The following TFDP2 variants were observed in gnomAD, a reference collection of about 807,000 sequenced individuals.
The protein encoded by TFDP2 is transcription factor Dp-2 (E2F dimerization partner 2).
In TFDP2, 17 loss-of-function variants were observed where a neutral mutation model predicts 59.3. The ratio of observed to expected loss-of-function variants is 0.29; its 90% CI spans 0.20 to 0.43. The LOEUF (loss-of-function observed/expected upper bound fraction) is 0.43. TFDP2 is among the 20% of genes least tolerant of loss of function. TFDP2 has a pLI of 1.00. For missense variants in TFDP2, 391 were observed against 528.8 expected (o/e 0.74, Z 2.56); for synonymous variants, 180 against 194.7 (o/e 0.92, Z 0.63).
intron 9 of TFDP2, among the ~76,000 whole-genome samples, chr3:141,968,427 T>TACATATAAC (rs1938603145): frequency 1.4e-5 from 1 of 74,016 alleles, no homozygotes; most frequent in African/African-American, 5.1e-5. Context: ...ATATATCTCA[T>TACATATAAC]ATATAGATAT....
At position 141,949,680 on chromosome 3, in the gene TFDP2, GA is replaced by G; in HGVS notation, c.*2832del. 1 of 152,476 alleles carries G rather than the reference GA, an allele frequency of 6.6e-6. No individual in the cohort carries two copies. Among genetic ancestry groups the G allele is most frequent in the Non-Finnish European group, 1.5e-5 (1 of 68,186 alleles). 9.4% of individuals were successfully genotyped at this position (152,476 alleles called of 1,614,324 possible). ...AGGGGGACAGCCACACCCTCAAGGGGAAAAGGCCTCTTGAACTCCCCACAAT... is the reference window on the plus strand; with the variant it reads ...AGGGGGACAGCCACACCCTCAAGGGGAAAGGCCTCTTGAACTCCCCACAAT... On this transcript the variant is annotated 3_prime_UTR_variant, in exon 13 of 13. Transcript: ENST00000489671.
At chr3:142,122,318 G>A (rs571205927) in intron 1 of TFDP2, among the ~76,000 whole-genome samples, 20 of 152,168 alleles carry the variant, frequency 1.3e-4, no homozygotes, top group African/African-American at 4.6e-4. Flanking sequence ...CACCAGAGAC[G>A]GGGTCCTCAC....
At chr3:141,969,456 C>T (rs555478398) in intron 9 of TFDP2, among the ~76,000 whole-genome samples, 8 of 150,688 alleles carry the variant, frequency 5.3e-5, no homozygotes, top group African/African-American at 1.2e-4. Context: ...ACTAAAAATA[C>T]GAAAAAACTA....
chr3:141,966,845 ATGAG>A (rs1257922098), intron 9 of TFDP2, among the ~76,000 whole-genome samples: 1 of 150,642 alleles, frequency 6.6e-6, no homozygotes, highest in Non-Finnish European at 1.5e-5. Context: ...GTCATGTGAC[ATGAG>A]TGAGTTGTGA....
chr3:141,954,624 CAAAAAAAACA>C (rs1259295126), intron 11 of TFDP2, among the ~76,000 whole-genome samples: 3 of 58,984 alleles, frequency 5.1e-5, no homozygotes, highest in East Asian at 1.2e-3. Context: ...GTGACTGTCT[CAAAAAAAACA>C]AAAAAAAACA....
At chr3:142,069,735 G>A (rs1424692798) in intron 3 of TFDP2, among the ~76,000 whole-genome samples, 1 of 151,714 alleles carries the variant, frequency 6.6e-6, no homozygotes, top group African/African-American at 2.4e-5. Context: ...AGCCTCCTGA[G>A]TAGCTGGGAT....
intron 3 of TFDP2, among the ~76,000 whole-genome samples, chr3:142,055,129 T>C (rs551399605): frequency 6.6e-6 from 1 of 152,202 alleles, no homozygotes; most frequent in Non-Finnish European, 1.5e-5. Flanking sequence ...CTCCTATCAC[T>C]GGGAATGGGA....
intron 3 of TFDP2, among the ~76,000 whole-genome samples, chr3:142,035,120 C>G (rs1329873108): frequency 1.3e-5 from 2 of 152,154 alleles, no homozygotes; most frequent in Non-Finnish European, 2.9e-5. Context: ...CCACAGCCAT[C>G]TCTTTTGCTG....
intron 10 of TFDP2, among the ~76,000 whole-genome samples, chr3:141,960,861 T>C (rs1029315636): frequency 6.6e-6 from 1 of 151,842 alleles, no homozygotes; most frequent in Non-Finnish European, 1.5e-5. Context: ...TGGCTAATTA[T>C]GGGGAAAGAC....
chr3:142,134,050 AAAG>A (rs544145913), intron 1 of TFDP2, among the ~76,000 whole-genome samples: 9 of 150,470 alleles, frequency 6.0e-5, no homozygotes, highest in East Asian at 1.9e-4. Context: ...AGAAAAAAAA[AAAG>A]AAGAAGAAGA....
intron 3 of TFDP2, among the ~76,000 whole-genome samples, chr3:142,030,710 A>G (rs1230748622): frequency 6.6e-6 from 1 of 150,572 alleles, no homozygotes; most frequent in Admixed American, 6.6e-5. Context: ...GAAATTAAAC[A>G]TCCAAGTACT....
At chr3:142,005,933 T>C (rs1475642248) in intron 3 of TFDP2, among the ~76,000 whole-genome samples, 6 of 152,158 alleles carry the variant, frequency 3.9e-5, no homozygotes, top group Non-Finnish European at 8.8e-5. Flanking sequence ...ACAAATAATA[T>C]ACTTGATGAT....
intron 4 of TFDP2, among the ~76,000 whole-genome samples, chr3:142,000,538 C>G (rs11706480): frequency 6.6e-6 from 1 of 151,952 alleles, no homozygotes; most frequent in African/African-American, 2.4e-5. Context: ...ACCACAGCAT[C>G]CAGTTCCTGG....
intron 9 of TFDP2, among the ~76,000 whole-genome samples, chr3:141,968,276 A>T (rs1938466169): frequency 1.5e-5 from 2 of 134,252 alleles, no homozygotes; most frequent in East Asian, 2.0e-4. Flanking sequence ...AATTATATAT[A>T]ATATATAACA....
At chr3:142,144,651 C>T (rs955567901) in intron 1 of TFDP2, among the ~76,000 whole-genome samples, 2 of 152,134 alleles carry the variant, frequency 1.3e-5, no homozygotes, top group Non-Finnish European at 2.9e-5. Context: ...AAGAGATCCT[C>T]CCACCTCAGC....
chr3:142,019,699 A>G (rs1164339796), intron 3 of TFDP2, among the ~76,000 whole-genome samples: 1 of 151,510 alleles, frequency 6.6e-6, no homozygotes, highest in Admixed American at 6.6e-5. Context: ...TTAAATTATA[A>G]ATCCTTGACC....
At chr3:142,078,201 G>A (rs968794838) in intron 3 of TFDP2, among the ~76,000 whole-genome samples, 1 of 152,178 alleles carries the variant, frequency 6.6e-6, no homozygotes, top group Admixed American at 6.5e-5. Flanking sequence ...TCCGACTCTA[G>A]GCCCTGCCTC....
At chr3:142,056,112 T>C (rs371663394) in intron 3 of TFDP2, among the ~76,000 whole-genome samples, 82 of 151,428 alleles carry the variant, frequency 5.4e-4, no homozygotes, top group African/African-American at 2.0e-3. Context: ...CGCCACCACA[T>C]CCGGCTAATT....
At chr3:142,053,742 A>T (rs761414724) in intron 3 of TFDP2, among the ~76,000 whole-genome samples, 29 of 152,220 alleles carry the variant, frequency 1.9e-4, no homozygotes, top group Non-Finnish European at 4.1e-4. Flanking sequence ...CTGGGAGAAA[A>T]TGTTTGCAAA....
Sources: gnomAD v4.1 joint callset for allele counts (sites outside exome capture counted in the v4.1 genomes callset) on GRCh38, gnomAD v4.1.1 for gene constraint, MANE v1.5 for transcripts, NCBI Gene and HGNC (gene_info 2026-07-23, HGNC 2026-07-21) for gene names.